LAMB4: variants seen among roughly 807,000 people sequenced by gnomAD.
LAMB4 encodes the protein laminin subunit beta-4.
In LAMB4, 196 loss-of-function variants were observed where a neutral mutation model predicts 199.2. That is an observed-to-expected ratio of 0.98 (90% CI 0.88 to 1.11). LAMB4 has a LOEUF of 1.11. LAMB4 is among the 50% of genes least tolerant of loss of function. The probability of loss-of-function intolerance (pLI) is 0.00; values close to 1 mark genes in which losing one functional copy is unlikely to be tolerated. For synonymous variants in LAMB4, 744 were observed against 770.6 expected, an observed-to-expected ratio of 0.97 and a Z score of 0.57; for missense variants, 2,080 against 2,171.2, an observed-to-expected ratio of 0.96 and a Z score of 0.83.
chr7:108,057,070 T>G (rs1390460510), intron 24 of LAMB4, among the ~76,000 whole-genome samples: 2 of 151,866 alleles, frequency 1.3e-5, no homozygotes, highest in Non-Finnish European at 2.9e-5. Context: ...AGCTAGTTCA[T>G]CTGTCCAGCA....
At chr7:108,088,840 C>T (rs1475731436) in intron 14 of LAMB4, among the ~76,000 whole-genome samples, 1 of 152,162 alleles carries the variant, frequency 6.6e-6, no homozygotes, top group African/African-American at 2.4e-5. Flanking sequence ...GTGAACTCAT[C>T]TGACAGCAAT....
Position 108,037,451 on chromosome 7 carries a change from T to C in LAMB4, c.4616A>G (p.Glu1539Gly). 1 of 1,614,232 alleles carries C rather than the reference T, an allele frequency of 6.2e-7. No homozygotes were observed. Among genetic ancestry groups the C allele is most frequent in the Non-Finnish European group, 8.5e-7 (1 of 1,180,028 alleles). ...ATCTGCTTCTTCATTTAACCTGTTT[T>C]CATCTGTCCTGTAATCCTCACAGAG... ...MQLCEDYRTD[E>G]NRLNEEADGA... Residue 1539 changes from glutamate to glycine, a missense_variant, in exon 30 of 34, where the codon GAA becomes GGA. Glu to Gly is a moderately conservative substitution (Grantham distance 98). Coordinates refer to ENST00000388781, the MANE Select transcript of LAMB4 (RefSeq NM_007356.3).
intron 4 of LAMB4, among the ~76,000 whole-genome samples, chr7:108,110,764 G>A (rs927883545): frequency 6.6e-6 from 1 of 152,174 alleles, no homozygotes; most frequent in Non-Finnish European, 1.5e-5. Context: ...AGGAGGACAG[G>A]TGGCTGTGGA....
chr7:108,066,006 G>A, intron 20 of LAMB4, 87 bp from the exon 21 acceptor site: 1 of 1,286,820 alleles, frequency 7.8e-7, no homozygotes, highest in South Asian at 1.4e-5. Context: ...TTAAAACAGT[G>A]CACCTCTGAA....
intron 30 of LAMB4, among the ~76,000 whole-genome samples, chr7:108,036,856 T>C (rs1252431153): frequency 1.3e-5 from 2 of 150,508 alleles, no homozygotes; most frequent in Non-Finnish European, 3.0e-5. Context: ...TTATATTGGG[T>C]TGGTGCAAAA....
At chr7:108,129,227 C>A (rs1237761726) in intron 1 of LAMB4, among the ~76,000 whole-genome samples, 1 of 152,180 alleles carries the variant, frequency 6.6e-6, no homozygotes, top group South Asian at 2.1e-4. Context: ...ACAGGTGCAT[C>A]GTGTTTGATA....
At chr7:108,055,593 C>G in intron 25 of LAMB4, 39 bp downstream of exon 25, 1 of 1,574,628 alleles carries the variant, frequency 6.4e-7, no homozygotes, top group Non-Finnish European at 8.6e-7. Context: ...TAAGGTAAAT[C>G]AGGAGTTTGG....
chr7:108,104,653 G>A (rs1217669248), intron 8 of LAMB4, 34 bp from the exon 9 acceptor site: 3 of 1,604,000 alleles, frequency 1.9e-6, no homozygotes, highest in Non-Finnish European at 2.6e-6. Context: ...GTTGAAAGAG[G>A]GCTTGTCCTT....
chr7:108,029,677 G>A (rs916252303), intron 32 of LAMB4, among the ~76,000 whole-genome samples: 3 of 152,178 alleles, frequency 2.0e-5, no homozygotes, highest in African/African-American at 7.2e-5. Context: ...GGAGGCAGGT[G>A]GGGAAGTAGA....
intron 4 of LAMB4, among the ~76,000 whole-genome samples, chr7:108,111,357 C>T (rs1023527719): frequency 1.3e-5 from 2 of 152,340 alleles, no homozygotes; most frequent in South Asian, 4.1e-4. Flanking sequence ...TTTACTTTGG[C>T]TTACAGTAAG....
Position 108,063,851 on chromosome 7 carries a change from A to G in LAMB4, c.2971T>C (p.Cys991Arg). ...PESCSRVTGE[C>R]LRCLHNTQGA... is the part of the protein sequence containing the mutation. ...TGAGTGTTGTGCAAACATCGAAGGCACTCCCCTGTTACCCGGCTGCAGGAC... is the reference window on the plus strand; with the variant it reads ...TGAGTGTTGTGCAAACATCGAAGGCGCTCCCCTGTTACCCGGCTGCAGGAC... Residue 991 changes from cysteine to arginine, a missense_variant, in exon 22 of 34, where the codon TGC becomes CGC. Physicochemically the swap from Cys to Arg is radical, Grantham distance 180. Coordinates refer to ENST00000388781, the MANE Select transcript of LAMB4 (RefSeq NM_007356.3). 1.2e-6 allele frequency: 2 copies of G among 1,614,028 alleles called. No homozygotes were observed. Among genetic ancestry groups the G allele is most frequent in the South Asian group, 1.1e-5 (1 of 91,072 alleles).
At chr7:108,016,366 C>T in the LAMB4 span, among the ~76,000 whole-genome samples, 2 of 148,758 alleles carry the variant, frequency 1.3e-5, no homozygotes, top group African/African-American at 5.0e-5. Flanking sequence ...TTACTGCAAC[C>T]TCTGTCTCCC....
At chr7:108,114,833 C>T (rs755098398) in intron 3 of LAMB4, among the ~76,000 whole-genome samples, 6 of 152,158 alleles carry the variant, frequency 3.9e-5, no homozygotes, top group Non-Finnish European at 7.3e-5. Flanking sequence ...ACCTTGGATG[C>T]TTGTTCTGTT....
At position 108,069,784 on chromosome 7, in the gene LAMB4, C is replaced by T; in HGVS notation, c.2226G>A (p.Met742Ile). 6.2e-7 allele frequency: 1 copy of T among 1,614,042 alleles called. No homozygotes were observed. Among genetic ancestry groups the T allele is most frequent in the African/African-American group, 1.3e-5 (1 of 75,032 alleles). Residue 742 changes from methionine to isoleucine, a missense_variant, in exon 18 of 34, where the codon ATG (methionine) becomes ATA (isoleucine). Met to Ile is a conservative substitution (Grantham distance 10). Transcript: ENST00000388781. Reference protein sequence around the residue: ...LHNCVEIASAMGPQVLPGACE... With the variant: ...LHNCVEIASAIGPQVLPGACE... Reference sequence around the variant, plus strand: ...AGGCACCCGGGAGCACTTGAGGTCCCATTGCTGAGGCAATTTCAACACAGT... The same window carrying T: ...AGGCACCCGGGAGCACTTGAGGTCCTATTGCTGAGGCAATTTCAACACAGT...
rs769708138 is a variant in LAMB4 at position 108,069,748 on chromosome 7, C to T, written c.2262G>A (p.Leu754=). ...PQVLPGACER[L]IISMSAKLHD... ...GCAGCTTGGCAGACATGCTGATGATCAGCCTTTCACAGGCACCCGGGAGCA... is the reference window on the plus strand; with the variant it reads ...GCAGCTTGGCAGACATGCTGATGATTAGCCTTTCACAGGCACCCGGGAGCA... The change falls in exon 18 of 34, where the codon CTG becomes CTA. Residue 754 remains leucine (L), a synonymous_variant. Coordinates refer to ENST00000388781, the MANE Select transcript of LAMB4 (RefSeq NM_007356.3). 5.0e-6 allele frequency: 8 copies of T among 1,613,810 alleles called. No homozygotes were observed. Among genetic ancestry groups the T allele is most frequent in the Admixed American group, 3.3e-5 (2 of 60,002 alleles).
Position 108,078,188 on chromosome 7 carries a change from G to T in LAMB4, c.2003+13C>A. 2.6e-6 allele frequency: 4 copies of T among 1,533,412 alleles called. 1 individual carries two copies. The highest frequency in any genetic ancestry group is 3.4e-4 in the Middle Eastern group (2 of 5,946). 95.0% of individuals were successfully genotyped at this position (1,533,412 alleles called of 1,614,324 possible). ...AGAAGCTTTCAATGTTTGAGGACCG[G>T]TCTGAAACATACCTCGTAGCCGCTG... On this transcript the variant is annotated intron_variant, in intron 16 of 33. Coordinates refer to ENST00000388781, the MANE Select transcript of LAMB4 (RefSeq NM_007356.3).
Position 108,105,831 on chromosome 7 carries a change from T to C in LAMB4, c.856A>G (p.Ser286Gly), listed in dbSNP as rs2037985531. 2 of 1,614,082 alleles carry C rather than the reference T, an allele frequency of 1.2e-6. No homozygotes were observed. The highest frequency in any genetic ancestry group is 1.7e-6 in the Non-Finnish European group (2 of 1,180,006). Residue 286 changes from serine (S) to glycine (G), a missense_variant, in exon 8 of 34, where the codon AGC becomes GGC. Ser to Gly is a moderately conservative substitution (Grantham distance 56). Coordinates refer to ENST00000388781, the MANE Select transcript of LAMB4 (RefSeq NM_007356.3). ...TAATAACTCACCATTCCAGGAGGGC[T>C]GAAAACATCTCCCCGCATCTTCTGC... Reference protein sequence around the residue: ...PMQKMRGDVFSPPGMVHGQCV... With the variant: ...PMQKMRGDVFGPPGMVHGQCV...
intron 2 of LAMB4, among the ~76,000 whole-genome samples, chr7:108,117,828 A>T (rs2038461803): frequency 6.6e-6 from 1 of 152,186 alleles, no homozygotes; most frequent in Non-Finnish European, 1.5e-5. Flanking sequence ...TGTTGCTATG[A>T]CATTTGTTAA....
intron 14 of LAMB4, among the ~76,000 whole-genome samples, chr7:108,089,785 C>T (rs2037327956): frequency 6.6e-6 from 1 of 152,174 alleles, no homozygotes; most frequent in South Asian, 2.1e-4. Context: ...ACCTCAGCTT[C>T]CTGAGTAGCT....
Sources: allele counts gnomAD v4.1 joint callset (sites outside exome capture counted in the v4.1 genomes callset), GRCh38; gene constraint gnomAD v4.1.1; transcripts MANE v1.5; gene names NCBI Gene and HGNC (gene_info 2026-07-23, HGNC 2026-07-21).